PRKCB: variants seen among roughly 807,000 people sequenced by gnomAD.
The protein encoded by PRKCB is protein kinase C beta, also known as protein kinase C beta type.
In PRKCB, 13 loss-of-function variants were observed where a neutral mutation model predicts 81.5. The ratio of observed to expected loss-of-function variants is 0.16; its 90% CI spans 0.10 to 0.25. PRKCB has a LOEUF of 0.25. Among genes scored for constraint, PRKCB ranks in the 10% least tolerant of loss-of-function variants. The pLI is 1.00. For missense variants in PRKCB, 509 were observed against 875.7 expected (o/e 0.58, Z 5.29); for synonymous variants, 335 against 321.4 (o/e 1.04, Z -0.45).
At chr16:24,069,127 T>C (rs74013116) in intron 5 of PRKCB, among the ~76,000 whole-genome samples, 3,733 of 152,310 alleles carry the variant, frequency 0.025, 133 homozygotes, top group African/African-American at 0.084. Context: ...AAAGCTGCTC[T>C]ATGGCAGAGC....
chr16:23,997,284 G>A (rs577758326), intron 3 of PRKCB, among the ~76,000 whole-genome samples: 1 of 152,274 alleles, frequency 6.6e-6, no homozygotes, highest in Non-Finnish European at 1.5e-5. Flanking sequence ...CTGGATACAG[G>A]AGATCCCTAA....
chr16:24,003,664 C>T (rs1171974121), intron 3 of PRKCB, among the ~76,000 whole-genome samples: 5 of 152,112 alleles, frequency 3.3e-5, no homozygotes, highest in Admixed American at 1.3e-4. Flanking sequence ...GGATTACAGG[C>T]GTGAGCGACT....
intron 2 of PRKCB, among the ~76,000 whole-genome samples, chr16:23,910,582 AT>A (rs1963636154): frequency 6.6e-6 from 1 of 152,080 alleles, no homozygotes; most frequent in Non-Finnish European, 1.5e-5. Context: ...GTTGTGTTTT[AT>A]TTTCATGGGA....
chr16:24,105,495 A>G (rs9929611), intron 7 of PRKCB, among the ~76,000 whole-genome samples: 30,664 of 152,036 alleles, frequency 0.2, 5,918 homozygotes, highest in African/African-American at 0.51. Flanking sequence ...CAAGCCCCGC[A>G]TGCATTAGGT....
chr16:24,140,727 T>C (rs1966890299), intron 9 of PRKCB, among the ~76,000 whole-genome samples: 1 of 152,206 alleles, frequency 6.6e-6, no homozygotes, highest in Admixed American at 6.5e-5. Context: ...AGTGATGTTA[T>C]CTGTGGGAGT....
chr16:23,859,459 T>G (rs189881823), intron 2 of PRKCB, among the ~76,000 whole-genome samples: 3 of 152,344 alleles, frequency 2.0e-5, no homozygotes, highest in Non-Finnish European at 2.9e-5. Context: ...AGCTGCTTTC[T>G]GTCCTCAAGC....
chr16:24,011,703 G>C (rs893866860), intron 3 of PRKCB, among the ~76,000 whole-genome samples: 26 of 151,998 alleles, frequency 1.7e-4, no homozygotes, highest in African/African-American at 6.3e-4. Flanking sequence ...TTTTTGTAGA[G>C]ATGGGGTCTT....
chr16:23,875,323 A>G (rs554778006), intron 2 of PRKCB, among the ~76,000 whole-genome samples: 2 of 151,760 alleles, frequency 1.3e-5, no homozygotes, highest in Non-Finnish European at 2.9e-5. Context: ...ACAAGCGTGA[A>G]CCACCATGCC....
At chr16:24,062,367 T>A (rs1189673401) in intron 5 of PRKCB, among the ~76,000 whole-genome samples, 1 of 152,226 alleles carries the variant, frequency 6.6e-6, no homozygotes, top group Non-Finnish European at 1.5e-5. Flanking sequence ...TCAAGAGCAG[T>A]AAGTGAGGGC....
chr16:24,218,882 T>A lies in PRKCB; in HGVS notation c.*4066T>A, dbSNP rs411103. 0.4 allele frequency: 397,795 copies of A among 985,122 alleles called. 82,803 individuals carry two copies. Among genetic ancestry groups the A allele is most frequent in the African/African-American group, 0.66 (37,774 of 57,238 alleles). The allele number at this position is 985,122 out of a possible 1,614,324, so 61.0% of individuals were successfully genotyped here. On this transcript the variant is annotated 3_prime_UTR_variant, in exon 17 of 17. Transcript: ENST00000643927. ...GTTGTCCCTCCAGTCCGAGAGACTG[T>A]GATGAGGCCTACATAGCAGCGATGT...
At chr16:23,969,509 T>A (rs2017787791) in intron 2 of PRKCB, among the ~76,000 whole-genome samples, 1 of 152,198 alleles carries the variant, frequency 6.6e-6, no homozygotes, top group South Asian at 2.1e-4. Flanking sequence ...TTACTTAACT[T>A]TTCATGCCTT....
At chr16:24,134,480 G>A (rs1281281259) in intron 9 of PRKCB, among the ~76,000 whole-genome samples, 1 of 152,058 alleles carries the variant, frequency 6.6e-6, no homozygotes, top group African/African-American at 2.4e-5. Flanking sequence ...GATGCAGTGG[G>A]TCATACCTGT....
intron 9 of PRKCB, among the ~76,000 whole-genome samples, chr16:24,152,967 T>G (rs408882): frequency 0.36 from 54,376 of 152,022 alleles, 10,010 homozygotes; most frequent in South Asian, 0.47. Flanking sequence ...CCTTTGTCAC[T>G]GTGGCTGTGA....
chr16:24,054,143 T>A (rs1009010044), intron 5 of PRKCB, among the ~76,000 whole-genome samples: 3 of 151,588 alleles, frequency 2.0e-5, no homozygotes, highest in African/African-American at 7.3e-5. Flanking sequence ...CAGCCAAATT[T>A]TTAAAAATTT....
intron 3 of PRKCB, among the ~76,000 whole-genome samples, chr16:24,001,419 G>A (rs535692146): frequency 6.6e-6 from 1 of 152,270 alleles, no homozygotes; most frequent in African/African-American, 2.4e-5. Flanking sequence ...GTCTCACTTT[G>A]TGATAAGATA....
At chr16:23,885,487 T>C (rs995247838) in intron 2 of PRKCB, among the ~76,000 whole-genome samples, 1 of 152,086 alleles carries the variant, frequency 6.6e-6, no homozygotes, top group Non-Finnish European at 1.5e-5. Context: ...TTTTGTATTT[T>C]TAGTAGAGAT....
chr16:24,092,392 G>A (rs961144627), intron 5 of PRKCB, among the ~76,000 whole-genome samples: 1 of 152,160 alleles, frequency 6.6e-6, no homozygotes, highest in African/African-American at 2.4e-5. Context: ...CAAAATGTGG[G>A]ATATCTATAC....
chr16:23,973,568 A>G (rs1413958314), intron 2 of PRKCB, among the ~76,000 whole-genome samples: 1 of 152,176 alleles, frequency 6.6e-6, no homozygotes, highest in Non-Finnish European at 1.5e-5. Context: ...TTATGGTTGA[A>G]AATAACAAAG....
intron 2 of PRKCB, among the ~76,000 whole-genome samples, chr16:23,958,465 C>T (rs9931530): frequency 0.078 from 11,784 of 151,680 alleles, 1,037 homozygotes; most frequent in African/African-American, 0.22. Context: ...CCACCATGCC[C>T]GGCTAATTTT....
Sources: allele counts gnomAD v4.1 joint callset (sites outside exome capture counted in the v4.1 genomes callset), GRCh38; gene constraint gnomAD v4.1.1; transcripts MANE v1.5; gene names NCBI Gene and HGNC (gene_info 2026-07-23, HGNC 2026-07-21).